The following PRCD variants were observed in gnomAD, a reference collection of about 807,000 sequenced individuals.
PRCD encodes the protein photoreceptor disc component.
A neutral mutation model predicts 10.1 loss-of-function variants in PRCD; 12 were observed. The observed-to-expected ratio is 1.18, with a 90% CI of 0.76 to 1.92. The LOEUF (loss-of-function observed/expected upper bound fraction) is 1.92. PRCD is among the 40% of genes most tolerant of loss of function. The pLI is 0.00. For synonymous variants in PRCD, 31 were observed against 26.2 expected, an observed-to-expected ratio of 1.18 and a Z score of -0.56; for missense variants, 61 against 72.2, an observed-to-expected ratio of 0.84 and a Z score of 0.56.
chr17:76,540,637 C>T lies in PRCD; in HGVS notation c.143+64C>T. On this transcript the variant is annotated intron_variant, in intron 2 of 4. Transcript: ENST00000592014. The surrounding 1 kb of genome is among the most constrained non-coding windows in gnomAD (Gnocchi z 5.0). ...CCAAGGAAGCTGTGGCTGTGCATGC[C>T]TGGGGGTGCACGTGTGTGCCTGTGC... 6.6e-7 allele frequency: 1 copy of T among 1,523,530 alleles called. No homozygotes were observed. Among genetic ancestry groups the T allele is most frequent in the South Asian group, 1.1e-5 (1 of 88,360 alleles). The allele number at this position is 1,523,530 out of a possible 1,614,324, so 94.4% of individuals were successfully genotyped here.
At position 76,531,489 on chromosome 17, in the gene PRCD, T is replaced by G; in HGVS notation, n.45+3656T>G. The G allele has an allele frequency of 6.2e-7, 1 of 1,612,352 alleles. No homozygotes were observed. Among genetic ancestry groups the G allele is most frequent in the Non-Finnish European group, 8.5e-7 (1 of 1,178,506 alleles). On this transcript the variant is annotated intron_variant and non_coding_transcript_variant, in intron 1 of 4. Coordinates refer to the PRCD transcript ENST00000397633. This position sits in a 1 kb window ranked among gnomAD's most constrained non-coding sequence, Gnocchi z 7.4. Reference sequence around the variant, plus strand: ...AAGTACACCGGTTCCACCTTGTGCTTGAGGGCGTGGGCTTTCCCCACAAGG... The same window carrying G: ...AAGTACACCGGTTCCACCTTGTGCTGGAGGGCGTGGGCTTTCCCCACAAGG...
chr17:76,542,482 G>C (rs2075003236), intron 2 of PRCD, 71 bp from the exon 3 acceptor site: 1 of 1,568,734 alleles, frequency 6.4e-7, no homozygotes, highest in South Asian at 1.1e-5. Context: ...GGGAGGAGGA[G>C]GAAGAGGAGA....
Position 76,528,608 on chromosome 17 carries a change from T to G in PRCD, n.45+775T>G, listed in dbSNP as rs1598199650. 7.8e-7 allele frequency: 1 copy of G among 1,278,938 alleles called. No individual in the cohort carries two copies. Among genetic ancestry groups the G allele is most frequent in the Non-Finnish European group, 1.0e-6 (1 of 1,004,268 alleles). 79.2% of individuals were successfully genotyped at this position (1,278,938 alleles called of 1,614,324 possible). ...GCCCCGAAGAGGGCAGTGTGGCCGG[T>G]GGGCTGTGGACGAGATAGGAAGGGA... On this transcript the variant is annotated intron_variant and non_coding_transcript_variant, in intron 1 of 4. Transcript: ENST00000397633. The surrounding 1 kb of genome is among the most constrained non-coding windows in gnomAD (Gnocchi z 5.8).
chr17:76,542,640 C>A lies in PRCD; in HGVS notation c.*59+7C>A. ...GATCAGCTGGCTCAGGCAGGTAGGGCAGGGCTGGGAGCCGGGGAGGGCAGA... is the reference window on the plus strand; with the variant it reads ...GATCAGCTGGCTCAGGCAGGTAGGGAAGGGCTGGGAGCCGGGGAGGGCAGA... On this transcript the variant is annotated splice_region_variant and intron_variant, in intron 3 of 4. Transcript: ENST00000592014. 6.3e-7 allele frequency: 1 copy of A among 1,590,576 alleles called. No homozygotes were observed. Among genetic ancestry groups the A allele is most frequent in the Non-Finnish European group, 8.6e-7 (1 of 1,158,756 alleles).
At chr17:76,536,554 C>T (rs927344640), upstream of PRCD, among the ~76,000 whole-genome samples, 1 of 152,106 alleles carries the variant, frequency 6.6e-6, no homozygotes, top group African/African-American at 2.4e-5. Flanking sequence ...GACTAGCTTT[C>T]GAGACTTGGA....
chr17:76,552,042 G>A (rs1454557260), intron 1 of PRCD: 1 of 152,094 alleles, frequency 6.6e-6, no homozygotes, highest in Non-Finnish European at 1.5e-5. Flanking sequence ...CCGGAAGGAG[G>A]CTTGCACACA....
chr17:76,545,405 C>G (rs569605972), downstream of PRCD: 1 of 456,276 alleles, frequency 2.2e-6, no homozygotes, highest in South Asian at 1.5e-5. Flanking sequence ...TTTTTCATCC[C>G]TTTCCTTGCA....
downstream of PRCD, among the ~76,000 whole-genome samples, chr17:76,547,912 TCA>T (rs60591246): frequency 0.34 from 50,574 of 148,960 alleles, 10,428 homozygotes; most frequent in African/African-American, 0.59. Flanking sequence ...CATAACACAT[TCA>T]CACACACATA....
chr17:76,531,255 T>A lies in PRCD; in HGVS notation n.45+3422T>A, dbSNP rs1195545254. ...GAGGATCATTCCTAACGCAACAGTCTGGCAGCTTTGGGAACCCCGTGCTCT... is the reference window on the plus strand; with the variant it reads ...GAGGATCATTCCTAACGCAACAGTCAGGCAGCTTTGGGAACCCCGTGCTCT... On this transcript the variant is annotated intron_variant and non_coding_transcript_variant, in intron 1 of 4. Transcript: ENST00000397633. The surrounding 1 kb of genome is among the most constrained non-coding windows in gnomAD (Gnocchi z 7.4). 4 of 1,296,088 alleles carry A rather than the reference T, an allele frequency of 3.1e-6. No homozygotes were observed. The African/African-American group carries it at 5.9e-5, about 19-fold the overall frequency. The allele number at this position is 1,296,088 out of a possible 1,614,324, so 80.3% of individuals were successfully genotyped here.
At chr17:76,537,040 A>C (rs1407347498), upstream of PRCD, among the ~76,000 whole-genome samples, 1 of 152,100 alleles carries the variant, frequency 6.6e-6, no homozygotes, top group Non-Finnish European at 1.5e-5. Context: ...TAAAATGGGG[A>C]GCCCCTGCTA....
In PRCD at chr17:76,528,217, G is replaced by A. The variant is rs2074789916; in HGVS notation, n.45+384G>A. 1 of 398,214 alleles carries A rather than the reference G, an allele frequency of 2.5e-6. No individual in the cohort carries two copies. Among genetic ancestry groups the A allele is most frequent in the Admixed American group, 4.4e-5 (1 of 22,786 alleles). The allele number at this position is 398,214 out of a possible 1,614,324, so 24.7% of individuals were successfully genotyped here. ...TGCGTGATACTCTAGATGGTGATGTGGAGACCTGCATGCTGGCCGGGCTGA... is the reference window on the plus strand; with the variant it reads ...TGCGTGATACTCTAGATGGTGATGTAGAGACCTGCATGCTGGCCGGGCTGA... On this transcript the variant is annotated intron_variant and non_coding_transcript_variant, in intron 1 of 4. Transcript: ENST00000397633. This position sits in a 1 kb window ranked among gnomAD's most constrained non-coding sequence, Gnocchi z 5.8.
Position 76,540,257 on chromosome 17 carries a change from G to GGC in PRCD, c.74+43_74+44insCG, listed in dbSNP as rs1555624433. 6.0e-6 allele frequency: 7 copies of GGC among 1,159,242 alleles called. No homozygotes were observed. In the African/African-American group the frequency reaches 1.1e-4, roughly 17 times the overall value. 71.8% of individuals were successfully genotyped at this position (1,159,242 alleles called of 1,614,324 possible). The stretch of plus-strand genomic sequence containing the variant: ...GCTATGGCTGGCGGTTGGTCGGGGG[G>GGC]GGGGGGCATGGGGCTGGGCTGCCAC... On this transcript the variant is annotated intron_variant, in intron 1 of 4. Coordinates refer to ENST00000592014, the MANE Select transcript of PRCD (RefSeq NM_001077620.3). This position sits in a 1 kb window ranked among gnomAD's most constrained non-coding sequence, Gnocchi z 5.0.
Position 76,540,649 on chromosome 17 carries a change from G to C in PRCD, c.143+76G>C. ...TGGCTGTGCATGCCTGGGGGTGCAC[G>C]TGTGTGCCTGTGCGCGCCTGTGCGT... On this transcript the variant is annotated intron_variant, in intron 2 of 4. Coordinates refer to ENST00000592014, the MANE Select transcript of PRCD (RefSeq NM_001077620.3). This position sits in a 1 kb window ranked among gnomAD's most constrained non-coding sequence, Gnocchi z 5.0. The C allele has an allele frequency of 2.9e-6, 4 of 1,398,336 alleles. No individual in the cohort carries two copies. The highest frequency in any genetic ancestry group is 1.2e-5 in the South Asian group (1 of 85,032). The allele number at this position is 1,398,336 out of a possible 1,614,324, so 86.6% of individuals were successfully genotyped here. A position where few individuals can be genotyped will look rare whatever the true frequency, so the allele number is the denominator to read the frequency against.
intron 1 of PRCD, among the ~76,000 whole-genome samples, chr17:76,552,414 T>C (rs1281542703): frequency 1.3e-5 from 2 of 151,876 alleles, no homozygotes; most frequent in African/African-American, 4.8e-5. Context: ...TTAGCCAGGA[T>C]GGTCTCAATC....
Position 76,551,335 on chromosome 17 carries a change from CTTCAAA to C in PRCD, n.84-1769_84-1764del, listed in dbSNP as rs2075107121. The C allele has an allele frequency of 2.6e-5, 4 of 152,294 alleles. No homozygotes were observed. In the South Asian group the frequency reaches 8.3e-4, roughly 32 times the overall value. 9.4% of individuals were successfully genotyped at this position (152,294 alleles called of 1,614,324 possible). ...AGAGATCCATGGAGCATTATATCGT[CTTCAAA>C]TTCATTTATTTTTATTTTTAAAAAA... On this transcript the variant is annotated intron_variant and non_coding_transcript_variant, in intron 1 of 1. Coordinates refer to the PRCD transcript ENST00000587063.
upstream of PRCD, chr17:76,539,959 C>T: frequency 1.6e-6 from 1 of 638,706 alleles, no homozygotes; most frequent in South Asian, 1.9e-5. Context: ...GCCCAGTGAG[C>T]TTAATCAGTC....
intron 1 of PRCD, among the ~76,000 whole-genome samples, chr17:76,534,176 C>CTCTCTCTCTCTCTCTT: frequency 7.9e-6 from 1 of 126,124 alleles, no homozygotes; most frequent in Admixed American, 8.7e-5. Flanking sequence ...CTCTCTCTCT[C>CTCTCTCTCTCTCTCTT]TTTCTTTCTT....
At chr17:76,542,492 A>G in intron 2 of PRCD, 61 bp from the exon 3 acceptor site, 1 of 1,595,818 alleles carries the variant, frequency 6.3e-7, no homozygotes, top group Non-Finnish European at 8.6e-7. Flanking sequence ...GGAAGAGGAG[A>G]GTCAGAAACA....
intron 1 of PRCD, among the ~76,000 whole-genome samples, chr17:76,534,146 T>TTCTCTC (rs71158013): frequency 0.15 from 19,042 of 128,662 alleles, 1,849 homozygotes; most frequent in East Asian, 0.29. Context: ...CTCTTTCTCT[T>TTCTCTC]TCTCTCTCTC....
Sources: allele counts gnomAD v4.1 joint callset (sites outside exome capture counted in the v4.1 genomes callset), GRCh38; gene constraint gnomAD v4.1.1; non-coding constraint Gnocchi (gnomAD v3.1); transcripts MANE v1.5; gene names NCBI Gene and HGNC (gene_info 2026-07-23, HGNC 2026-07-21).